The following C1orf202 variants were observed in gnomAD, a reference collection of about 807,000 sequenced individuals.
C1orf202 encodes chromosome 1 open reading frame 202, also known as uncharacterized protein C1orf202.
At chr1:244,730,839 G>T in the C1orf202 span, 2 of 380,260 alleles carry the variant, frequency 5.3e-6, no homozygotes, top group African/African-American at 4.2e-5. Flanking sequence ...CGCGGAGGGG[G>T]GCCCCGCTCC....
chr1:244,730,176 G>A, the C1orf202 span: 3 of 211,968 alleles, frequency 1.4e-5, no homozygotes, highest in East Asian at 3.3e-4. Flanking sequence ...CGCAGCAACT[G>A]CGCAGCGGGG....
At chr1:244,730,680 G>A in the C1orf202 span, 3 of 384,490 alleles carry the variant, frequency 7.8e-6, no homozygotes, top group Non-Finnish European at 1.4e-5. Context: ...CACAGGCCGC[G>A]CTCCGGGGCC....
chr1:244,729,938 A>T, the C1orf202 span: 8 of 148,478 alleles, frequency 5.4e-5, no homozygotes, highest in South Asian at 1.7e-3. Context: ...CGATTTTTTT[A>T]TTTTTTTGAC....
the C1orf202 span, chr1:244,729,802 G>A: frequency 6.6e-6 from 1 of 152,016 alleles, no homozygotes; most frequent in South Asian, 2.1e-4. Context: ...GTCTAGCCCT[G>A]GTTTCCAAAC....
At chr1:244,730,586 C>T in the C1orf202 span, 1 of 380,188 alleles carries the variant, frequency 2.6e-6, no homozygotes, top group Non-Finnish European at 4.7e-6. Context: ...CTCCTCCAGC[C>T]GGTCCGGCCG....
At chr1:244,730,684 C>T in the C1orf202 span, 2 of 383,856 alleles carry the variant, frequency 5.2e-6, no homozygotes, top group Middle Eastern at 6.6e-4. Flanking sequence ...GGCCGCGCTC[C>T]GGGGCCTCCT....
the C1orf202 span, chr1:244,730,495 G>T: frequency 8.9e-3 from 3,124 of 350,092 alleles, 78 homozygotes; most frequent in African/African-American, 0.06. Context: ...CGGCCTGCGC[G>T]GGCCGCCCGG....
chr1:244,730,638 T>A, the C1orf202 span: 4 of 385,862 alleles, frequency 1.0e-5, no homozygotes, highest in South Asian at 3.8e-4. Flanking sequence ...GTCGCCAGCC[T>A]CTGAAGCAGC....
the C1orf202 span, chr1:244,730,496 G>A: frequency 1.1e-5 from 4 of 350,688 alleles, no homozygotes; most frequent in South Asian, 2.7e-4. Flanking sequence ...GGCCTGCGCG[G>A]GCCGCCCGGG....
the C1orf202 span, chr1:244,730,939 C>G: frequency 7.8e-6 from 3 of 383,272 alleles, no homozygotes; most frequent in Admixed American, 1.4e-4. Flanking sequence ...GCGCAGGCCT[C>G]TTCTCGGAGC....
chr1:244,730,740 C>T, the C1orf202 span: 1 of 383,150 alleles, frequency 2.6e-6, no homozygotes, highest in African/African-American at 2.1e-5. Context: ...CTGCGCGGGC[C>T]GCGGAACAGC....
At chr1:244,730,669 C>T in the C1orf202 span, 3 of 384,616 alleles carry the variant, frequency 7.8e-6, no homozygotes, top group African/African-American at 2.1e-5. Context: ...TCGAGGGGCC[C>T]CACAGGCCGC....
chr1:244,730,434 CG>C, the C1orf202 span: 1 of 352,724 alleles, frequency 2.8e-6, no homozygotes, highest in Non-Finnish European at 5.1e-6. Flanking sequence ...GGGGGCGCAA[CG>C]GGGGACCGGC....
the C1orf202 span, chr1:244,730,483 G>A: frequency 0.012 from 4,232 of 345,692 alleles, 157 homozygotes; most frequent in African/African-American, 0.08. Flanking sequence ...GGCGCGCGGG[G>A]GCGGCCTGCG....
chr1:244,730,854 G>A, the C1orf202 span: 25 of 382,162 alleles, frequency 6.5e-5, no homozygotes, highest in African/African-American at 5.2e-4. Context: ...CGCTCCAGGC[G>A]CGCCGCCTTC....
chr1:244,730,029 G>A, the C1orf202 span: 2 of 146,262 alleles, frequency 1.4e-5, no homozygotes, highest in South Asian at 4.5e-4. Context: ...AGTCCAGCCC[G>A]GGCAACATAG....
chr1:244,730,507 G>T, the C1orf202 span: 7 of 359,026 alleles, frequency 1.9e-5, no homozygotes, highest in African/African-American at 1.3e-4. Context: ...GCCGCCCGGG[G>T]ACGCTGCTCT....
the C1orf202 span, chr1:244,730,372 C>G: frequency 3.0e-6 from 1 of 328,332 alleles, no homozygotes; most frequent in Non-Finnish European, 5.5e-6. Context: ...GGGTTACTTT[C>G]ATTTATTGCT....
chr1:244,730,479 C>CG, the C1orf202 span: 1 of 341,716 alleles, frequency 2.9e-6, no homozygotes, highest in Non-Finnish European at 5.3e-6. Context: ...GGCTGGCGCG[C>CG]GGGGGCGGCC....
Sources: gnomAD v4.1 joint callset for allele counts on GRCh38, gnomAD v4.1.1 for gene constraint, MANE v1.5 for transcripts, NCBI Gene and HGNC (gene_info 2026-07-23, HGNC 2026-07-21) for gene names.